Variants in TSPAN18 observed in about 807,000 individuals in gnomAD.
TSPAN18 encodes tetraspanin 18, also known as tetraspanin-18.
In TSPAN18, 14 loss-of-function variants were observed where a neutral mutation model predicts 27.3. The observed-to-expected ratio is 0.51, with a 90% CI of 0.34 to 0.80. The LOEUF (loss-of-function observed/expected upper bound fraction) is 0.80. Among genes scored for constraint, TSPAN18 ranks in the 30% least tolerant of loss-of-function variants. The pLI is 0.01. For missense variants in TSPAN18, 268 were observed against 323.9 expected (o/e 0.83, Z 1.32); for synonymous variants, 143 against 136.5 (o/e 1.05, Z -0.33).
intron 1 of TSPAN18, among the ~76,000 whole-genome samples, chr11:44,737,488 T>G (rs908169473): frequency 2.6e-5 from 4 of 152,152 alleles, no homozygotes; most frequent in African/African-American, 9.7e-5. Flanking sequence ...CGTACCTCAT[T>G]TTAGGGAGCC....
At chr11:44,802,808 G>T (rs1406785271) in intron 2 of TSPAN18, among the ~76,000 whole-genome samples, 1 of 152,088 alleles carries the variant, frequency 6.6e-6, no homozygotes, top group Non-Finnish European at 1.5e-5. Flanking sequence ...TAATACAAAG[G>T]GCTTTACTAG....
chr11:44,766,532 A>G (rs946068706), intron 2 of TSPAN18, among the ~76,000 whole-genome samples: 3 of 152,214 alleles, frequency 2.0e-5, no homozygotes, highest in Admixed American at 2.0e-4. Flanking sequence ...CTTCTCAGGG[A>G]CGTTTCTCCA....
chr11:44,847,748 T>C (rs1857513842), intron 2 of TSPAN18, among the ~76,000 whole-genome samples: 3 of 152,104 alleles, frequency 2.0e-5, no homozygotes, highest in African/African-American at 7.2e-5. Context: ...ATAATAACAA[T>C]AGCTGTCTCA....
chr11:44,907,743 G>A (rs943848603), intron 4 of TSPAN18, among the ~76,000 whole-genome samples: 1 of 152,126 alleles, frequency 6.6e-6, no homozygotes, highest in African/African-American at 2.4e-5. Flanking sequence ...TTTCCTGGAG[G>A]TTGTGCGGGA....
intron 2 of TSPAN18, among the ~76,000 whole-genome samples, chr11:44,796,872 C>T (rs1469848922): frequency 3.9e-5 from 6 of 152,096 alleles, no homozygotes; most frequent in Admixed American, 6.5e-5. Context: ...TGATCACCCA[C>T]GTTGAGACAC....
intron 2 of TSPAN18, among the ~76,000 whole-genome samples, chr11:44,780,072 C>T (rs1279919549): frequency 3.3e-5 from 5 of 152,218 alleles, no homozygotes; most frequent in South Asian, 2.1e-4. Flanking sequence ...TTTGTGCAAA[C>T]GTCTTCACAC....
intron 2 of TSPAN18, among the ~76,000 whole-genome samples, chr11:44,823,860 C>T (rs539483451): frequency 5.3e-5 from 8 of 152,202 alleles, no homozygotes; most frequent in Non-Finnish European, 1.2e-4. Context: ...TCATTTGAGT[C>T]GAGTAGCTGG....
At chr11:44,759,771 G>A (rs1855409286) in intron 1 of TSPAN18, among the ~76,000 whole-genome samples, 1 of 152,212 alleles carries the variant, frequency 6.6e-6, no homozygotes, top group South Asian at 2.1e-4. Flanking sequence ...CTCAGAGGGA[G>A]TAAGATACCA....
In TSPAN18 at chr11:44,919,588, C is replaced by T. The variant is rs143820871; in HGVS notation, c.433-229C>T. 1,087 of 609,744 alleles carry T rather than the reference C, an allele frequency of 1.8e-3. 21 individuals are homozygous for T. The Admixed American group carries it at 0.025, about 14-fold the overall frequency. The allele number at this position is 609,744 out of a possible 1,614,324, so 37.8% of individuals were successfully genotyped here. A position where few individuals can be genotyped will look rare whatever the true frequency, so the allele number is the denominator to read the frequency against. The stretch of plus-strand genomic sequence containing the variant: ...CAGCAACTGTTTATGGATGGCTAAG[C>T]GCCTGGTGAGGTAGGAATTGTTACT... On this transcript the variant is annotated intron_variant, in intron 7 of 9. Coordinates refer to ENST00000520358, the MANE Select transcript of TSPAN18 (RefSeq NM_130783.5).
intron 2 of TSPAN18, among the ~76,000 whole-genome samples, chr11:44,842,594 G>T (rs1857395691): frequency 1.3e-5 from 2 of 152,084 alleles, no homozygotes. Context: ...AGGCAAGCCA[G>T]GGGCAGTGAA....
At chr11:44,897,623 C>A in intron 3 of TSPAN18, 1 of 491,324 alleles carries the variant, frequency 2.0e-6, no homozygotes, top group South Asian at 1.8e-5. Flanking sequence ...CTCTAATGGG[C>A]CCAGATTAGC....
intron 3 of TSPAN18, among the ~76,000 whole-genome samples, chr11:44,894,374 G>A (rs1431407123): frequency 6.6e-6 from 1 of 152,152 alleles, no homozygotes; most frequent in South Asian, 2.1e-4. Flanking sequence ...GCCCTTTCTC[G>A]GCTCTGCACC....
At chr11:44,919,784 C>A (rs1447918541) in intron 7 of TSPAN18, 33 bp from the exon 8 acceptor site, 31 of 1,610,322 alleles carry the variant, frequency 1.9e-5, no homozygotes, top group Non-Finnish European at 2.5e-5. Flanking sequence ...CCTCCTCCTG[C>A]CCACCAGAAC....
intron 1 of TSPAN18, among the ~76,000 whole-genome samples, chr11:44,763,945 G>C (rs1220029850): frequency 6.6e-6 from 1 of 152,116 alleles, no homozygotes; most frequent in African/African-American, 2.4e-5. Context: ...TCTATAGGCT[G>C]TACAGGAAGC....
intron 2 of TSPAN18, among the ~76,000 whole-genome samples, chr11:44,784,523 C>T (rs1856010887): frequency 6.6e-6 from 1 of 152,222 alleles, no homozygotes; most frequent in South Asian, 2.1e-4. Flanking sequence ...CGTGCTCTAA[C>T]CGCTCTGGAG....
At chr11:44,824,439 G>A (rs1856992306) in intron 2 of TSPAN18, among the ~76,000 whole-genome samples, 1 of 152,208 alleles carries the variant, frequency 6.6e-6, no homozygotes, top group East Asian at 1.9e-4. Flanking sequence ...ACCAAGCTGT[G>A]TGGGGGAGGG....
intron 3 of TSPAN18, among the ~76,000 whole-genome samples, chr11:44,875,701 T>G (rs1426462415): frequency 6.6e-6 from 1 of 152,246 alleles, no homozygotes; most frequent in Non-Finnish European, 1.5e-5. Flanking sequence ...CATTTCTAGC[T>G]CTTGGCCTCA....
intron 4 of TSPAN18, among the ~76,000 whole-genome samples, chr11:44,908,769 G>GAAAGGAAAGGAAAGAAAGAA (rs1554938043): frequency 7.0e-5 from 5 of 71,700 alleles, no homozygotes; most frequent in East Asian, 8.7e-4. Context: ...AGAGAGAAAG[G>GAAAGGAAAGGAAAGAAAGAA]AGAAAGAAAG....
At chr11:44,849,700 T>C (rs999616510) in intron 2 of TSPAN18, among the ~76,000 whole-genome samples, 1 of 151,686 alleles carries the variant, frequency 6.6e-6, no homozygotes, top group Admixed American at 6.6e-5. Flanking sequence ...CCAAAGCACC[T>C]GCACACCCTG....
Sources: allele counts gnomAD v4.1 joint callset (sites outside exome capture counted in the v4.1 genomes callset), GRCh38; gene constraint gnomAD v4.1.1; transcripts MANE v1.5; gene names NCBI Gene and HGNC (gene_info 2026-07-23, HGNC 2026-07-21).